Variants in HBS1L observed in about 807,000 individuals in gnomAD.
HBS1L encodes HBS1-like protein.
A neutral mutation model predicts 88.9 loss-of-function variants in HBS1L; 55 were observed. That is an observed-to-expected ratio of 0.62 (90% CI 0.50 to 0.77). HBS1L has a LOEUF of 0.77. HBS1L is among the 30% of genes least tolerant of loss of function. HBS1L has a pLI of 0.00. For synonymous variants in HBS1L, 267 were observed against 288.5 expected, an observed-to-expected ratio of 0.93 and a Z score of 0.76; for missense variants, 741 against 829.3, an observed-to-expected ratio of 0.89 and a Z score of 1.31.
chr6:135,034,091 T>C lies in HBS1L; in HGVS notation c.430+5482A>G, dbSNP rs113154063. Reference sequence around the variant, plus strand: ...ATTAGTATTATGGTGCACTGATACATTCAATTAAAAACAAAAACCTGAAGA... The same window carrying C: ...ATTAGTATTATGGTGCACTGATACACTCAATTAAAAACAAAAACCTGAAGA... On this transcript the variant is annotated intron_variant, in intron 4 of 17. Coordinates refer to ENST00000367837, the MANE Select transcript of HBS1L (RefSeq NM_006620.4). 5.9e-3 allele frequency among the ~76,000 whole-genome samples: 902 copies of C among 151,990 alleles called. 9 individuals are homozygous for C. Among genetic ancestry groups the C allele is most frequent in the African/African-American group, 0.017 (725 of 41,462 alleles).
At chr6:135,053,395 T>C (rs1444389250) in intron 1 of HBS1L, among the ~76,000 whole-genome samples, 1 of 152,188 alleles carries the variant, frequency 6.6e-6, no homozygotes, top group Non-Finnish European at 1.5e-5. Context: ...AACTTAATGG[T>C]GGTTGAGGAA....
rs1040761421 is a variant in HBS1L, at chr6:134,979,110, AAT to A, written c.1688+66_1688+67del. 5.2e-5 allele frequency: 59 copies of A among 1,139,200 alleles called. No individual in the cohort carries two copies. The African/African-American group carries it at 8.2e-4, about 16-fold the overall frequency. The allele number at this position is 1,139,200 out of a possible 1,614,324, so 70.6% of individuals were successfully genotyped here. Reference sequence around the variant, plus strand: ...TCAAAATTGAACTAGCAGGTTGCAAAATATATGTGTTTAGAGGTGAGGTCCTA... The same window carrying A: ...TCAAAATTGAACTAGCAGGTTGCAAAATATGTGTTTAGAGGTGAGGTCCTA... On this transcript the variant is annotated intron_variant, in intron 14 of 17. Coordinates refer to ENST00000367837, the MANE Select transcript of HBS1L (RefSeq NM_006620.4).
intron 3 of HBS1L, among the ~76,000 whole-genome samples, chr6:135,041,745 G>T (rs1776742876): frequency 6.6e-6 from 1 of 151,912 alleles, no homozygotes; most frequent in East Asian, 1.9e-4. Context: ...CTCTCCCATG[G>T]AAAAAAATTT....
At chr6:135,038,121 T>A in intron 4 of HBS1L, 1 of 916,768 alleles carries the variant, frequency 1.1e-6, no homozygotes, top group Non-Finnish European at 1.6e-6. Context: ...ATGAGGCATT[T>A]AATTACTAAA....
chr6:135,013,605 T>TCAA (rs1775834929), intron 4 of HBS1L, among the ~76,000 whole-genome samples: 1 of 152,182 alleles, frequency 6.6e-6, no homozygotes, highest in Non-Finnish European at 1.5e-5. Context: ...GAAAATGGAT[T>TCAA]GTGGAGGCAA....
intron 4 of HBS1L, among the ~76,000 whole-genome samples, chr6:135,026,671 A>C (rs1422896329): frequency 6.6e-6 from 1 of 152,202 alleles, no homozygotes; most frequent in Non-Finnish European, 1.5e-5. Flanking sequence ...TAGAGAAAGC[A>C]GCAATCATGA....
intron 4 of HBS1L, chr6:135,027,187 C>CAAAAAAAAAAAAAAAAAAAAAAAAAAAA (rs71006749): frequency 3.6e-5 from 2 of 56,274 alleles, no homozygotes; most frequent in African/African-American, 7.2e-5. Flanking sequence ...GACTCTATCT[C>CAAAAAAAAAAAAAAAAAAAAAAAAAAAA]AAAAAAAAAA....
At chr6:135,010,440 T>C (rs562466817) in intron 4 of HBS1L, among the ~76,000 whole-genome samples, 1 of 152,360 alleles carries the variant, frequency 6.6e-6, no homozygotes, top group South Asian at 2.1e-4. Flanking sequence ...AAACTCTTAA[T>C]GGCTGAAGTT....
chr6:134,997,418 G>C lies in HBS1L; in HGVS notation c.778C>G (p.Leu260Val). 1.2e-6 allele frequency: 2 copies of C among 1,614,030 alleles called. No homozygotes were observed. Among genetic ancestry groups the C allele is most frequent in the Non-Finnish European group, 1.7e-6 (2 of 1,179,956 alleles). ...TTACCAATGACCACTAAGTTGAGTA[G>C]CTGCTTCCCTCCTTGCCGCTTCTCC... ...ELEKRQGGKQ[L>V]LNLVVIGHVD... The change falls in exon 6 of 18, where the codon CTA becomes GTA. Residue 260 changes from leucine (L) to valine (V), a missense_variant. Physicochemically the swap from Leu to Val is conservative, Grantham distance 32. Coordinates refer to ENST00000367837, the MANE Select transcript of HBS1L (RefSeq NM_006620.4).
chr6:134,991,936 C>T lies in HBS1L; in HGVS notation c.1083+1822G>A, dbSNP rs1161937544. Among the ~76,000 whole-genome samples the T allele has an allele frequency of 9.2e-5, 14 of 152,182 alleles. No individual in the cohort carries two copies. In the East Asian group the frequency reaches 1.5e-3, roughly 17 times the overall value. ...CTAAAAAATTAGCCAGGCATGGTGG[C>T]ACATGCCTGCAGTCCCAGCTACTCA... On this transcript the variant is annotated intron_variant, in intron 8 of 17. Transcript: ENST00000367837.
At position 134,961,953 on chromosome 6, in the gene HBS1L, TA is replaced by T. The variant is rs1774198136; in HGVS notation, c.*3325del. The T allele has an allele frequency of 6.6e-6, 1 of 152,142 alleles. No homozygotes were observed. The allele number at this position is 152,142 out of a possible 1,614,324, so 9.4% of individuals were successfully genotyped here. ...TCTACCATCACCTACCCTCCAATCTTAAAGTTTTGAATTATCTCTTTATGAT... is the reference window on the plus strand; with the variant it reads ...TCTACCATCACCTACCCTCCAATCTTAAGTTTTGAATTATCTCTTTATGAT... On this transcript the variant is annotated 3_prime_UTR_variant, in exon 18 of 18. Coordinates refer to ENST00000367837, the MANE Select transcript of HBS1L (RefSeq NM_006620.4).
At position 135,051,556 on chromosome 6, in the gene HBS1L, CTT is replaced by C. The variant is rs142257245; in HGVS notation, c.44-911_44-910del. On this transcript the variant is annotated intron_variant, in intron 1 of 17. Transcript: ENST00000367837. ...TAAGGTTCCAGCTCAAATGTCTCCT[CTT>C]TGCACAAGTCTTCCCTGACCACTCT... Among the ~76,000 whole-genome samples, 1,278 of 152,258 alleles carry C rather than the reference CTT, an allele frequency of 8.4e-3. 20 individuals are homozygous for C. The highest frequency in any genetic ancestry group is 0.029 in the African/African-American group (1,202 of 41,528).
rs571390376 is a variant in HBS1L at position 134,965,129 on chromosome 6, ACTT to A, written c.*147_*149del. ...AATTTTTGCAGAGGTGATTATTAAT[ACTT>A]CTTTGCAGCTAATTTTAGCTTTAAT... On this transcript the variant is annotated 3_prime_UTR_variant, in exon 18 of 18. Transcript: ENST00000367837. The A allele has an allele frequency of 5.0e-3, 3,592 of 713,316 alleles. 30 individuals carry two copies. Among genetic ancestry groups the A allele is most frequent in the South Asian group, 0.016 (953 of 60,734 alleles). The allele number at this position is 713,316 out of a possible 1,614,324, so 44.2% of individuals were successfully genotyped here.
rs916844992 is a variant in HBS1L, at chr6:134,985,958, A to G, written c.1423+108T>C. The G allele has an allele frequency of 1.9e-4, 122 of 656,278 alleles. 2 individuals carry two copies. Among genetic ancestry groups the G allele is most frequent in the Admixed American group, 8.1e-4 (30 of 37,252 alleles). The allele number at this position is 656,278 out of a possible 1,614,324, so 40.7% of individuals were successfully genotyped here. ...AACAGGTAACTTAGTTCCTCCGACTACAAATCCTATGCTTTTTCATACGTG... is the reference window on the plus strand; with the variant it reads ...AACAGGTAACTTAGTTCCTCCGACTGCAAATCCTATGCTTTTTCATACGTG... On this transcript the variant is annotated intron_variant, in intron 11 of 17. Transcript: ENST00000367837.
intron 4 of HBS1L, among the ~76,000 whole-genome samples, chr6:135,035,397 C>T (rs1384964350): frequency 2.0e-5 from 3 of 151,162 alleles, no homozygotes; most frequent in African/African-American, 7.3e-5. Flanking sequence ...CTGCAGTGAG[C>T]GTCACTGCAC....
intron 8 of HBS1L, among the ~76,000 whole-genome samples, chr6:134,988,465 A>G (rs1168281808): frequency 6.6e-6 from 1 of 151,852 alleles, no homozygotes; most frequent in Non-Finnish European, 1.5e-5. Context: ...AACATAAAAA[A>G]CCCCAAAACA....
intron 7 of HBS1L, among the ~76,000 whole-genome samples, chr6:134,994,497 G>T (rs1466412856): frequency 6.6e-6 from 1 of 150,624 alleles, no homozygotes; most frequent in African/African-American, 2.4e-5. Flanking sequence ...GAAATGCTTG[G>T]GACTAGAAGC....
intron 4 of HBS1L, among the ~76,000 whole-genome samples, chr6:135,038,867 AT>A (rs1165477277): frequency 4.6e-5 from 7 of 152,160 alleles, no homozygotes; most frequent in African/African-American, 1.7e-4. Flanking sequence ...GCATAAAGGG[AT>A]TTTTTTAACA....
intron 4 of HBS1L, among the ~76,000 whole-genome samples, chr6:135,035,391 A>G (rs1776504135): frequency 1.3e-5 from 2 of 151,762 alleles, no homozygotes; most frequent in South Asian, 4.2e-4. Flanking sequence ...CGGAGGCTGC[A>G]GTGAGCGTCA....
Sources: gnomAD v4.1 joint callset for allele counts (sites outside exome capture counted in the v4.1 genomes callset) on GRCh38, gnomAD v4.1.1 for gene constraint, MANE v1.5 for transcripts, NCBI Gene and HGNC (gene_info 2026-07-23, HGNC 2026-07-21) for gene names.